Variants in TMCC2 observed in about 807,000 individuals in gnomAD.
The protein encoded by TMCC2 is transmembrane and coiled-coil domains protein 2.
Under a neutral mutation model 49.4 loss-of-function variants are expected in TMCC2, and 16 were observed. The ratio of observed to expected loss-of-function variants is 0.32; its 90% CI spans 0.22 to 0.49. TMCC2 has a LOEUF of 0.49. TMCC2 is among the 20% of genes least tolerant of loss of function. The pLI, the probability that TMCC2 is intolerant of heterozygous loss-of-function variation, is 0.99. For synonymous variants in TMCC2, 397 were observed against 434.1 expected (o/e 0.91, Z 1.06); for missense variants, 762 against 989.8 (o/e 0.77, Z 3.09).
chr1:205,253,309 A>C (rs1291305058), intron 2 of TMCC2, among the ~76,000 whole-genome samples: 1 of 152,228 alleles, frequency 6.6e-6, no homozygotes, highest in East Asian at 1.9e-4. Context: ...GTGGAAGAAA[A>C]AACTAAACTA....
intron 2 of TMCC2, among the ~76,000 whole-genome samples, chr1:205,248,136 G>A (rs1290469953): frequency 6.6e-6 from 1 of 152,204 alleles, no homozygotes; most frequent in African/African-American, 2.4e-5. Context: ...GCTGGGCAAG[G>A]TGGCTCCTGC....
At chr1:205,246,580 C>T (rs770477405) in intron 2 of TMCC2, 24 of 1,549,088 alleles carry the variant, frequency 1.5e-5, no homozygotes, top group Admixed American at 1.2e-4. Context: ...AAAAGGGTGG[C>T]GTGGCTTTGT....
chr1:205,266,450 G>A (rs1278940126), intron 2 of TMCC2, among the ~76,000 whole-genome samples: 5 of 151,714 alleles, frequency 3.3e-5, no homozygotes, highest in East Asian at 3.9e-4. Flanking sequence ...AAAATTAGCC[G>A]GGCGTGGCGG....
intron 2 of TMCC2, among the ~76,000 whole-genome samples, chr1:205,252,000 C>T (rs1660689790): frequency 6.6e-6 from 1 of 152,110 alleles, no homozygotes; most frequent in Non-Finnish European, 1.5e-5. Flanking sequence ...CTAAAAGTTG[C>T]CCAAAAAGGA....
intron 2 of TMCC2, among the ~76,000 whole-genome samples, chr1:205,244,843 G>C (rs1280741507): frequency 1.3e-5 from 2 of 152,034 alleles, no homozygotes; most frequent in African/African-American, 4.8e-5. Context: ...GGAGATGGGG[G>C]TACTGAGGGA....
intron 2 of TMCC2, among the ~76,000 whole-genome samples, chr1:205,250,456 G>T (rs1037009249): frequency 6.6e-6 from 1 of 152,030 alleles, no homozygotes; most frequent in African/African-American, 2.4e-5. Flanking sequence ...CAGGAGAATC[G>T]CTTGAACCTA....
Position 205,241,707 on chromosome 1 carries a change from C to T in TMCC2, c.410C>T (p.Ser137Phe). 1 of 1,613,652 alleles carries T rather than the reference C, an allele frequency of 6.2e-7. No individual in the cohort carries two copies. The highest frequency in any genetic ancestry group is 8.5e-7 in the Non-Finnish European group (1 of 1,180,020). The change falls in exon 2 of 5, where the codon TCC becomes TTC. Residue 137 changes from serine to phenylalanine, a missense_variant. Coordinates refer to ENST00000358024, the MANE Select transcript of TMCC2 (RefSeq NM_014858.4). This position sits in a 1 kb window ranked among gnomAD's most constrained non-coding sequence, Gnocchi z 7.3. ...ATGCATCGCGTCTCCTACGCCATGT[C>T]CCTGCACGACCTGCCCGCCCGGCCC... ...PEMHRVSYAM[S>F]LHDLPARPTA...
intron 2 of TMCC2, among the ~76,000 whole-genome samples, chr1:205,247,951 G>C (rs565657557): frequency 8.5e-5 from 13 of 152,276 alleles, no homozygotes; most frequent in Admixed American, 5.9e-4. Context: ...AAGCCCCAAA[G>C]GGAGCAGGGT....
At chr1:205,229,349 C>G (rs539910315) in intron 1 of TMCC2, among the ~76,000 whole-genome samples, 1 of 151,766 alleles carries the variant, frequency 6.6e-6, no homozygotes, top group African/African-American at 2.4e-5. Context: ...CCACCACGCC[C>G]GGGTAATTTT....
intron 1 of TMCC2, among the ~76,000 whole-genome samples, chr1:205,237,887 G>A (rs1172160): frequency 0.48 from 72,685 of 151,970 alleles, 20,062 homozygotes; most frequent in Non-Finnish European, 0.61. Context: ...TTCCTTCCCC[G>A]GGGCACCTCA....
rs1358174952 is a variant in TMCC2 at position 205,228,116 on chromosome 1, T to G, written c.-449T>G. The stretch of plus-strand genomic sequence containing the variant: ...GGCCGGGGGCTGCAGCCGGCGCCGA[T>G]GGCGGCCGACTAGGACCTGCCCGGC... On this transcript the variant is annotated 5_prime_UTR_variant, in exon 1 of 5. An upstream start codon of the reference 5' UTR is lost. Coordinates refer to ENST00000358024, the MANE Select transcript of TMCC2 (RefSeq NM_014858.4). The G allele has an allele frequency of 1.3e-5, 2 of 148,572 alleles. No individual in the cohort carries two copies. The highest frequency in any genetic ancestry group is 6.7e-5 in the Admixed American group (1 of 14,970). 9.2% of individuals were successfully genotyped at this position (148,572 alleles called of 1,614,324 possible). A position where few individuals can be genotyped will look rare whatever the true frequency, so the allele number is the denominator to read the frequency against.
At chr1:205,256,382 C>T (rs1361857480) in intron 2 of TMCC2, 2 of 1,551,076 alleles carry the variant, frequency 1.3e-6, no homozygotes, top group Non-Finnish European at 1.7e-6. Flanking sequence ...CCTGCTGGCA[C>T]TGTCAAGATG....
chr1:205,257,060 A>G, intron 2 of TMCC2: 6 of 738,818 alleles, frequency 8.1e-6, no homozygotes, highest in Non-Finnish European at 1.1e-5. Context: ...GTGGAGGGGC[A>G]TCTCATCAGA....
chr1:205,234,895 G>A (rs1384887538), intron 1 of TMCC2, among the ~76,000 whole-genome samples: 4 of 152,046 alleles, frequency 2.6e-5, no homozygotes, highest in African/African-American at 9.7e-5. Context: ...CTGACCTCAG[G>A]TGATCCACTC....
intron 1 of TMCC2, chr1:205,229,845 C>A (rs1190726097): frequency 1.0e-6 from 1 of 985,296 alleles, no homozygotes; most frequent in Non-Finnish European, 1.2e-6. Flanking sequence ...ATATCTCTAT[C>A]AATTAAAACA....
intron 2 of TMCC2, among the ~76,000 whole-genome samples, chr1:205,246,232 A>G (rs1660447032): frequency 6.7e-6 from 1 of 148,176 alleles, no homozygotes; most frequent in Non-Finnish European, 1.5e-5. Flanking sequence ...GCAGCCAGAA[A>G]GAAGAAATGG....
chr1:205,248,394 T>C lies in TMCC2; in HGVS notation c.747+6350T>C, dbSNP rs375441990. Among the ~76,000 whole-genome samples the C allele has an allele frequency of 6.6e-5, 10 of 152,294 alleles. No homozygotes were observed. In the East Asian group the frequency reaches 1.9e-3, roughly 29 times the overall value. ...ACTGCACTCCAGCCTGGGTGACAGATTGAGACCCCATCTCCATTTTAAAAA... is the reference window on the plus strand; with the variant it reads ...ACTGCACTCCAGCCTGGGTGACAGACTGAGACCCCATCTCCATTTTAAAAA... On this transcript the variant is annotated intron_variant, in intron 2 of 4. Coordinates refer to ENST00000358024, the MANE Select transcript of TMCC2 (RefSeq NM_014858.4).
intron 2 of TMCC2, among the ~76,000 whole-genome samples, chr1:205,255,190 A>C (rs954833425): frequency 6.7e-5 from 10 of 148,712 alleles, no homozygotes; most frequent in Admixed American, 6.0e-4. Context: ...GTGACAGAGC[A>C]AGATCCTGTC....
chr1:205,240,759 G>A (rs556356156), intron 1 of TMCC2, among the ~76,000 whole-genome samples: 2 of 152,242 alleles, frequency 1.3e-5, no homozygotes, highest in African/African-American at 2.4e-5. Context: ...CAGGCACTAC[G>A]TTCCCATTCC....
Sources: allele counts gnomAD v4.1 joint callset (sites outside exome capture counted in the v4.1 genomes callset), GRCh38; gene constraint gnomAD v4.1.1; non-coding constraint Gnocchi (gnomAD v3.1); transcripts MANE v1.5; gene names NCBI Gene and HGNC (gene_info 2026-07-23, HGNC 2026-07-21).